The following MTRR variants were observed in gnomAD, a reference collection of about 807,000 sequenced individuals.
MTRR encodes the protein methionine synthase reductase.
MTRR carries 63 observed loss-of-function variants against 79.2 expected under a neutral mutation model. The ratio of observed to expected loss-of-function variants is 0.80; its 90% confidence interval spans 0.65 to 0.98. The LOEUF is 0.98. Ranked by LOEUF, MTRR falls within the 50% of genes least tolerant of loss-of-function variation. The probability of loss-of-function intolerance (pLI) is 0.00; values close to 1 mark genes in which losing one functional copy is unlikely to be tolerated. For synonymous variants in MTRR, 355 were observed against 313.3 expected (o/e 1.13, Z -1.41); for missense variants, 895 against 839.6 (o/e 1.07, Z -0.82).
intron 1 of MTRR, among the ~76,000 whole-genome samples, chr5:7,858,582 T>C (rs1431645366): frequency 6.6e-6 from 1 of 152,172 alleles, no homozygotes; most frequent in Non-Finnish European, 1.5e-5. Context: ...GTAAAAACCA[T>C]GATGGGGTAG....
At chr5:7,869,144 C>T (rs1392649027), upstream of MTRR, 10 of 1,613,284 alleles carry the variant, frequency 6.2e-6, no homozygotes, top group Non-Finnish European at 8.5e-6. Context: ...ATGGGCGCTG[C>T]GTCAGTGCGC....
chr5:7,864,057 G>A (rs188581229), intron 2 of MTRR, among the ~76,000 whole-genome samples: 1 of 152,270 alleles, frequency 6.6e-6, no homozygotes, highest in African/African-American at 2.4e-5. Flanking sequence ...CACCATGTTA[G>A]CAAGGCTGGT....
chr5:7,869,339 G>A, intron 1 of MTRR, 124 bp downstream of exon 1: 1 of 1,141,164 alleles, frequency 8.8e-7, no homozygotes. Context: ...ACGCCCTTCG[G>A]CCTCCGGGGG....
chr5:7,870,933 G>T lies in MTRR; in HGVS notation c.129+10G>T. ...TAGTGAATCCGATAAGGTTAGAGCC[G>T]TTACAGTGGATTTTACCGTTTTGTG... On this transcript the variant is annotated intron_variant, in intron 2 of 14. Transcript: ENST00000440940. 1 of 1,614,110 alleles carries T rather than the reference G, an allele frequency of 6.2e-7. No homozygotes were observed. Among genetic ancestry groups the T allele is most frequent in the Non-Finnish European group, 8.5e-7 (1 of 1,179,974 alleles).
intron 10 of MTRR, among the ~76,000 whole-genome samples, chr5:7,891,635 T>C (rs982938787): frequency 4.6e-5 from 7 of 152,172 alleles, no homozygotes; most frequent in Non-Finnish European, 7.3e-5. Flanking sequence ...CCCAGTACTA[T>C]GTTTCCCCAC....
At chr5:7,861,806 G>A (rs1240256353) in intron 1 of MTRR, 8 of 1,354,744 alleles carry the variant, frequency 5.9e-6, no homozygotes, top group South Asian at 1.9e-5. Flanking sequence ...AAACAATGGT[G>A]AGAATTTTAA....
chr5:7,868,200 GAAA>G (rs34274545), upstream of MTRR: 31,246 of 221,390 alleles, frequency 0.14, 1,289 homozygotes, highest in Non-Finnish European at 0.18. Flanking sequence ...CGAGTATCTG[GAAA>G]AAAAAAAAAA....
At chr5:7,851,127 C>T, upstream of MTRR, 4 of 1,205,116 alleles carry the variant, frequency 3.3e-6, no homozygotes, top group Non-Finnish European at 4.1e-6. Context: ...GCGTCTAGCC[C>T]GCGTCTGTGT....
At chr5:7,877,715 C>A (rs2126691211) in intron 4 of MTRR, among the ~76,000 whole-genome samples, 1 of 152,178 alleles carries the variant, frequency 6.6e-6, no homozygotes, top group Middle Eastern at 3.4e-3. Flanking sequence ...CTCTTCATTT[C>A]TTCTACCTTT....
rs192811633 is a variant in MTRR, at chr5:7,892,078, T to C, written c.1371-649T>C. Among the ~76,000 whole-genome samples, 36 of 152,222 alleles carry C rather than the reference T, an allele frequency of 2.4e-4. No individual in the cohort carries two copies. In the East Asian group the frequency reaches 4.8e-3, roughly 20 times the overall value. ...AAAAGAATATTTGATGAGCACTGGCTTATAGGATTCTCCCTGTGGCCTTCA... is the reference window on the plus strand; with the variant it reads ...AAAAGAATATTTGATGAGCACTGGCCTATAGGATTCTCCCTGTGGCCTTCA... On this transcript the variant is annotated intron_variant, in intron 10 of 14. Transcript: ENST00000440940.
At chr5:7,894,701 G>A (rs1738205563) in intron 11 of MTRR, among the ~76,000 whole-genome samples, 1 of 152,162 alleles carries the variant, frequency 6.6e-6, no homozygotes, top group Non-Finnish European at 1.5e-5. Context: ...CTTATCCTGT[G>A]TAATTTTGCT....
At chr5:7,895,896 A>G (rs747280412) in intron 12 of MTRR, 44 bp downstream of exon 12, 10 of 1,612,254 alleles carry the variant, frequency 6.2e-6, no homozygotes, top group Non-Finnish European at 8.5e-6. Context: ...TTCCTGAGTA[A>G]CCGTTTTTGT....
chr5:7,879,458 G>A (rs1433617505), intron 5 of MTRR, among the ~76,000 whole-genome samples: 24 of 76,306 alleles, frequency 3.1e-4, no homozygotes, highest in East Asian at 9.0e-4. Context: ...GTAAGACTCC[G>A]TCTCAAAAAA....
In MTRR at chr5:7,891,377, C is replaced by T; in HGVS notation, c.1333C>T (p.Leu445Phe). The change falls in exon 10 of 15, where the codon CTT becomes TTT. Residue 445 changes from leucine (L) to phenylalanine (F), a missense_variant. Coordinates refer to ENST00000440940, the MANE Select transcript of MTRR (RefSeq NM_002454.3). ...QPPLSLLLEH[L>F]PKLQPRPYSC... ...TTGTTTTTATTTTTTTCTAGAACAT[C>T]TTCCTAAACTTCAACCCAGACCATA... The T allele has an allele frequency of 1.3e-6, 2 of 1,547,560 alleles. No homozygotes were observed. Among genetic ancestry groups the T allele is most frequent in the South Asian group, 1.1e-5 (1 of 89,224 alleles).
At chr5:7,881,703 A>G (rs942061302) in intron 5 of MTRR, among the ~76,000 whole-genome samples, 1 of 151,480 alleles carries the variant, frequency 6.6e-6, no homozygotes, top group South Asian at 2.1e-4. Context: ...GCTTAGTTCT[A>G]TTTTAGTTTT....
intron 4 of MTRR, among the ~76,000 whole-genome samples, chr5:7,876,427 C>G (rs1488155053): frequency 5.3e-5 from 8 of 152,212 alleles, no homozygotes; most frequent in Non-Finnish European, 1.2e-4. Context: ...CCATTAGGCC[C>G]ATCACTCATC....
At chr5:7,887,726 G>C (rs917072505) in intron 8 of MTRR, among the ~76,000 whole-genome samples, 1 of 138,396 alleles carries the variant, frequency 7.2e-6, no homozygotes, top group African/African-American at 2.7e-5. Flanking sequence ...GTGTATGTCT[G>C]TATATGTGTA....
At chr5:7,879,073 T>G (rs1735090257) in intron 5 of MTRR, among the ~76,000 whole-genome samples, 1 of 152,246 alleles carries the variant, frequency 6.6e-6, no homozygotes, top group African/African-American at 2.4e-5. Flanking sequence ...GATAGCAATT[T>G]TTTTTAGCAT....
Position 7,891,422 on chromosome 5 carries a change from TA to T in MTRR, c.1370+9del. 6.2e-7 allele frequency: 1 copy of T among 1,605,200 alleles called. No individual in the cohort carries two copies. Among genetic ancestry groups the T allele is most frequent in the Non-Finnish European group, 8.5e-7 (1 of 1,172,518 alleles). On this transcript the variant is annotated intron_variant, in intron 10 of 14. Transcript: ENST00000440940. ...ACCATATTCGTGTGCAAGGTACTAC[TA>T]TTTATTCACGTAATATATAGCATTG...
Sources: allele counts gnomAD v4.1 joint callset (sites outside exome capture counted in the v4.1 genomes callset), GRCh38; gene constraint gnomAD v4.1.1; transcripts MANE v1.5; gene names NCBI Gene and HGNC (gene_info 2026-07-23, HGNC 2026-07-21).